Variants in TMEM232 observed in about 807,000 individuals in gnomAD.
The protein encoded by TMEM232 is transmembrane protein 232.
A neutral mutation model predicts 78.8 loss-of-function variants in TMEM232; 80 were observed. The observed-to-expected ratio is 1.01, with a 90% CI of 0.85 to 1.22. The LOEUF is 1.22. Among genes scored for constraint, TMEM232 ranks in the 50% most tolerant of loss-of-function variants. The pLI, the probability that TMEM232 is intolerant of heterozygous loss-of-function variation, is 0.00. For synonymous variants in TMEM232, 297 were observed against 254.3 expected (o/e 1.17, Z -1.60); for missense variants, 881 against 742.2 (o/e 1.19, Z -2.17).
chr5:110,422,376 C>T (rs1460803282), intron 13 of TMEM232, among the ~76,000 whole-genome samples: 5 of 151,376 alleles, frequency 3.3e-5, no homozygotes, highest in South Asian at 2.1e-4. Context: ...AAAAATTAGC[C>T]GGGCGTGGTG....
chr5:110,413,183 G>C (rs1034973005), intron 2 of TMEM232, among the ~76,000 whole-genome samples: 26 of 152,152 alleles, frequency 1.7e-4, no homozygotes, highest in Non-Finnish European at 3.4e-4. Flanking sequence ...TAGAAAAAAA[G>C]CAGGCAGAGG....
At chr5:110,483,507 C>T (rs1292798781) in intron 12 of TMEM232, among the ~76,000 whole-genome samples, 1 of 151,854 alleles carries the variant, frequency 6.6e-6, no homozygotes, top group Non-Finnish European at 1.5e-5. Context: ...GGACAAAAAA[C>T]CAAACACCGC....
intron 1 of TMEM232, among the ~76,000 whole-genome samples, chr5:110,725,254 T>C (rs147752225): frequency 2.8e-4 from 42 of 152,340 alleles, no homozygotes; most frequent in Middle Eastern, 3.4e-3. Flanking sequence ...TATACTAAGA[T>C]TTCTCAGTGT....
At chr5:110,643,424 G>T (rs1335134802) in intron 2 of TMEM232, among the ~76,000 whole-genome samples, 1 of 151,954 alleles carries the variant, frequency 6.6e-6, no homozygotes, top group African/African-American at 2.4e-5. Flanking sequence ...GATCCCATAG[G>T]GAAAATGTAG....
At chr5:110,468,300 G>GT (rs58284722) in intron 12 of TMEM232, among the ~76,000 whole-genome samples, 11 of 151,518 alleles carry the variant, frequency 7.3e-5, no homozygotes, top group African/African-American at 1.9e-4. Flanking sequence ...ATAAAATAAT[G>GT]TTTTTTTAAC....
intron 10 of TMEM232, among the ~76,000 whole-genome samples, chr5:110,575,578 G>C (rs1399357558): frequency 6.6e-6 from 1 of 151,984 alleles, no homozygotes; most frequent in African/African-American, 2.4e-5. Flanking sequence ...AAATGGAAGG[G>C]GCGAGTAAAT....
chr5:110,465,697 T>A (rs1478707990), intron 12 of TMEM232, among the ~76,000 whole-genome samples: 1 of 152,182 alleles, frequency 6.6e-6, no homozygotes, highest in Non-Finnish European at 1.5e-5. Flanking sequence ...ATCCTCAAAT[T>A]CATTTATCAT....
intron 12 of TMEM232, among the ~76,000 whole-genome samples, chr5:110,522,055 C>A (rs958908939): frequency 1.3e-5 from 2 of 152,122 alleles, no homozygotes; most frequent in Non-Finnish European, 2.9e-5. Context: ...ATTCTTTCAA[C>A]ACATGAATAC....
At chr5:110,658,434 TTGG>T (rs1789374875) in intron 2 of TMEM232, among the ~76,000 whole-genome samples, 1 of 152,160 alleles carries the variant, frequency 6.6e-6, no homozygotes, top group Non-Finnish European at 1.5e-5. Context: ...GCCCTCCTTC[TTGG>T]TAGTTATGAA....
chr5:110,710,323 AAAG>A (rs1203779208), intron 1 of TMEM232, among the ~76,000 whole-genome samples: 2 of 152,154 alleles, frequency 1.3e-5, no homozygotes, highest in African/African-American at 2.4e-5. Flanking sequence ...TCAAACATTT[AAAG>A]AAGAATACCA....
At chr5:110,404,645 T>A (rs1755721136) in intron 2 of TMEM232, among the ~76,000 whole-genome samples, 1 of 152,110 alleles carries the variant, frequency 6.6e-6, no homozygotes. Context: ...AAAAAATCTT[T>A]TCAAATCATG....
intron 11 of TMEM232, among the ~76,000 whole-genome samples, chr5:110,530,037 C>T (rs1287486958): frequency 1.3e-5 from 2 of 152,044 alleles, no homozygotes; most frequent in African/African-American, 2.4e-5. Flanking sequence ...ATCAATCTTG[C>T]GATAGGAAAG....
At chr5:110,408,774 T>C (rs1019354808) in intron 2 of TMEM232, among the ~76,000 whole-genome samples, 6 of 151,412 alleles carry the variant, frequency 4.0e-5, no homozygotes, top group African/African-American at 1.2e-4. Context: ...AGTGAGTCAT[T>C]AGAGATTATT....
chr5:110,696,396 A>G (rs1356437515), intron 1 of TMEM232, among the ~76,000 whole-genome samples: 1 of 152,204 alleles, frequency 6.6e-6, no homozygotes, highest in Non-Finnish European at 1.5e-5. Context: ...CGGGCACAAG[A>G]CAGGGATGCC....
At chr5:110,730,370 C>T (rs79944683), upstream of TMEM232, among the ~76,000 whole-genome samples, 9 of 152,244 alleles carry the variant, frequency 5.9e-5, no homozygotes, top group East Asian at 9.6e-4. Flanking sequence ...TGTAATTTAA[C>T]AACTTTCTAG....
chr5:110,453,779 T>C (rs547828434), intron 12 of TMEM232, among the ~76,000 whole-genome samples: 69 of 152,134 alleles, frequency 4.5e-4, no homozygotes, highest in African/African-American at 1.6e-3. Flanking sequence ...CTGAGTTCTT[T>C]TACTATTTCA....
intron 11 of TMEM232, among the ~76,000 whole-genome samples, chr5:110,541,255 A>C (rs1043871573): frequency 6.6e-6 from 1 of 152,176 alleles, no homozygotes; most frequent in African/African-American, 2.4e-5. Flanking sequence ...CATTGTGTGC[A>C]CTTAACAACT....
intron 12 of TMEM232, among the ~76,000 whole-genome samples, chr5:110,526,358 G>A (rs1308588473): frequency 6.6e-6 from 1 of 151,022 alleles, no homozygotes; most frequent in African/African-American, 2.4e-5. Flanking sequence ...ATAGTCCCAG[G>A]TTTTTGTATA....
At chr5:110,660,696 T>A (rs1246515765) in intron 2 of TMEM232, among the ~76,000 whole-genome samples, 1 of 152,182 alleles carries the variant, frequency 6.6e-6, no homozygotes, top group Non-Finnish European at 1.5e-5. Context: ...TTATTTTTCA[T>A]GATTGTGGAT....
Sources: gnomAD v4.1 joint callset for allele counts (sites outside exome capture counted in the v4.1 genomes callset) on GRCh38, gnomAD v4.1.1 for gene constraint, MANE v1.5 for transcripts, NCBI Gene and HGNC (gene_info 2026-07-23, HGNC 2026-07-21) for gene names.